CEP70: variants seen among roughly 807,000 people sequenced by gnomAD.
CEP70 encodes the protein centrosomal protein of 70 kDa.
Under a neutral mutation model 90.9 loss-of-function variants are expected in CEP70, and 70 were observed. The observed-to-expected ratio is 0.77, with a 90% CI of 0.64 to 0.94. CEP70 has a LOEUF of 0.94. Among genes scored for constraint, CEP70 ranks in the 40% least tolerant of loss-of-function variants. CEP70 has a pLI of 0.00. For synonymous variants in CEP70, 220 were observed against 228.3 expected, an observed-to-expected ratio of 0.96 and a Z score of 0.33; for missense variants, 648 against 669.0, an observed-to-expected ratio of 0.97 and a Z score of 0.35.
chr3:138,506,528 C>T (rs2108699713), intron 12 of CEP70, among the ~76,000 whole-genome samples: 1 of 152,204 alleles, frequency 6.6e-6, no homozygotes, highest in African/African-American at 2.4e-5. Context: ...TTCCTATTAC[C>T]ACCATCAAGT....
chr3:138,526,285 T>A (rs942280401), intron 10 of CEP70, among the ~76,000 whole-genome samples: 18 of 152,102 alleles, frequency 1.2e-4, no homozygotes, highest in African/African-American at 4.3e-4. Flanking sequence ...CTTGGCCTCT[T>A]GAATAGCTGG....
intron 6 of CEP70, among the ~76,000 whole-genome samples, chr3:138,567,807 A>G (rs1030563869): frequency 2.0e-5 from 3 of 152,200 alleles, no homozygotes; most frequent in Non-Finnish European, 2.9e-5. Flanking sequence ...CCATGTATAT[A>G]TGATATAAAC....
chr3:138,572,757 T>C, intron 3 of CEP70, 102 bp downstream of exon 3: 1 of 805,358 alleles, frequency 1.2e-6, no homozygotes, highest in East Asian at 2.4e-5. Flanking sequence ...CCTAAAATTA[T>C]TTGAGAAAGA....
Position 138,591,880 on chromosome 3 carries a change from C to A in CEP70, c.-32G>T. On this transcript the variant is annotated 5_prime_UTR_variant, in exon 2 of 18. Coordinates refer to ENST00000264982, the MANE Select transcript of CEP70 (RefSeq NM_024491.4). ...TCAGTCATAGCATATTACTCTTGCACTTTACACCTGGTCATTCAGGTTGAT... is the reference window on the plus strand; with the variant it reads ...TCAGTCATAGCATATTACTCTTGCAATTTACACCTGGTCATTCAGGTTGAT... 1 of 1,514,996 alleles carries A rather than the reference C, an allele frequency of 6.6e-7. No homozygotes were observed. Among genetic ancestry groups the A allele is most frequent in the Non-Finnish European group, 8.8e-7 (1 of 1,137,194 alleles). 93.8% of individuals were successfully genotyped at this position (1,514,996 alleles called of 1,614,324 possible).
In CEP70 at chr3:138,494,562, T is replaced by C. The variant is rs1041005669; in HGVS notation, c.*453A>G. On this transcript the variant is annotated 3_prime_UTR_variant, in exon 18 of 18. Transcript: ENST00000264982. The stretch of plus-strand genomic sequence containing the variant: ...GAAAGGGCAACTGTCATGAGGGATA[T>C]CTTAACAGAATGTGCCAATTAATCC... 6.5e-6 allele frequency: 1 copy of C among 153,548 alleles called. No homozygotes were observed. Among genetic ancestry groups the C allele is most frequent in the African/African-American group, 2.4e-5 (1 of 41,592 alleles). 9.5% of individuals were successfully genotyped at this position (153,548 alleles called of 1,614,324 possible).
chr3:138,581,281 C>CA (rs549088013), intron 2 of CEP70, among the ~76,000 whole-genome samples: 1,031 of 59,772 alleles, frequency 0.017, 9 homozygotes, highest in African/African-American at 0.052. Context: ...GACTCCATCT[C>CA]AAAAAAAAAA....
chr3:138,587,999 G>A (rs1197363449), intron 2 of CEP70, among the ~76,000 whole-genome samples: 1 of 145,274 alleles, frequency 6.9e-6, no homozygotes, highest in Non-Finnish European at 1.5e-5. Context: ...AAAAACGATA[G>A]TTTTTTTTTT....
At chr3:138,570,978 A>G (rs2041131798) in intron 5 of CEP70, 56 bp downstream of exon 5, 6 of 1,367,736 alleles carry the variant, frequency 4.4e-6, no homozygotes, top group Non-Finnish European at 5.9e-6. Flanking sequence ...TTTTCAAGGC[A>G]GTTATTTTTA....
chr3:138,585,026 A>G (rs2042043484), intron 2 of CEP70, among the ~76,000 whole-genome samples: 1 of 152,168 alleles, frequency 6.6e-6, no homozygotes, highest in African/African-American at 2.4e-5. Context: ...GCTAGAGATG[A>G]AAAAGGACTG....
chr3:138,527,344 T>TA lies in CEP70; in HGVS notation c.870-1781dup, dbSNP rs199922337. Among the ~76,000 whole-genome samples, 1,115 of 151,172 alleles carry TA rather than the reference T, an allele frequency of 7.4e-3. 7 individuals carry two copies. The highest frequency in any genetic ancestry group is 0.012 in the Non-Finnish European group (784 of 67,762). ...TGCCTGGCTAATTTTTTTTTTTTTT[T>TA]AATATGGAACGCTTCATGAATTTGC... On this transcript the variant is annotated intron_variant, in intron 10 of 17. Coordinates refer to ENST00000264982, the MANE Select transcript of CEP70 (RefSeq NM_024491.4).
intron 6 of CEP70, among the ~76,000 whole-genome samples, chr3:138,546,573 AC>A (rs1231300525): frequency 6.6e-6 from 1 of 152,056 alleles, no homozygotes; most frequent in Non-Finnish European, 1.5e-5. Flanking sequence ...ACATGGTGAA[AC>A]CCCGTCTCTA....
intron 6 of CEP70, among the ~76,000 whole-genome samples, chr3:138,556,588 G>A (rs1188128514): frequency 6.7e-6 from 1 of 148,350 alleles, no homozygotes; most frequent in African/African-American, 2.5e-5. Flanking sequence ...AGTCACGTAA[G>A]TTCTTTTCTA....
At chr3:138,532,439 T>C in intron 8 of CEP70, 75 bp downstream of exon 8, 1 of 1,317,260 alleles carries the variant, frequency 7.6e-7, no homozygotes, top group South Asian at 1.7e-5. Flanking sequence ...TATTAAAGTT[T>C]CAAAAGCTAC....
chr3:138,539,755 A>G (rs2038594305), intron 6 of CEP70, among the ~76,000 whole-genome samples: 1 of 152,214 alleles, frequency 6.6e-6, no homozygotes, highest in Non-Finnish European at 1.5e-5. Context: ...ATTCAAAGAA[A>G]TAGTAACAGA....
chr3:138,587,450 T>C lies in CEP70; in HGVS notation c.-6+4404A>G, dbSNP rs183690446. ...GAAACTTTCCTGATTTTAAAATTCA[T>C]ACAGAGCTGCAAAAGATCTATAAAA... On this transcript the variant is annotated intron_variant, in intron 2 of 17. Coordinates refer to ENST00000264982, the MANE Select transcript of CEP70 (RefSeq NM_024491.4). Among the ~76,000 whole-genome samples, 11 of 152,122 alleles carry C rather than the reference T, an allele frequency of 7.2e-5. No homozygotes were observed. The South Asian group carries it at 2.1e-3, about 29-fold the overall frequency.
chr3:138,569,446 A>G (rs542469500), intron 6 of CEP70, among the ~76,000 whole-genome samples: 2 of 152,358 alleles, frequency 1.3e-5, no homozygotes, highest in African/African-American at 4.8e-5. Flanking sequence ...AGTTACCAGC[A>G]TAAGATTCAT....
chr3:138,531,764 C>T (rs183163115), intron 8 of CEP70: 5 of 146,866 alleles, frequency 3.4e-5, no homozygotes, highest in Admixed American at 2.1e-4. Context: ...ACCCACAGAG[C>T]TCTGCCATTA....
At chr3:138,531,818 T>C (rs1485392296) in intron 8 of CEP70, among the ~76,000 whole-genome samples, 1 of 151,370 alleles carries the variant, frequency 6.6e-6, no homozygotes, top group Non-Finnish European at 1.5e-5. Flanking sequence ...GGGGCAAGAA[T>C]ACTAGAGCAT....
intron 5 of CEP70, 32 bp downstream of exon 5, chr3:138,571,002 C>A: frequency 6.6e-7 from 1 of 1,508,206 alleles, no homozygotes; most frequent in Non-Finnish European, 8.9e-7. Context: ...CGCATACAAA[C>A]AATTCAAAAG....
Sources: allele counts gnomAD v4.1 joint callset (sites outside exome capture counted in the v4.1 genomes callset), GRCh38; gene constraint gnomAD v4.1.1; transcripts MANE v1.5; gene names NCBI Gene and HGNC (gene_info 2026-07-23, HGNC 2026-07-21).